Variants in PCDHA2 observed in about 807,000 individuals in gnomAD.
PCDHA2 encodes the protein protocadherin alpha 2.
Under a neutral mutation model 66.0 loss-of-function variants are expected in PCDHA2, and 58 were observed. The observed-to-expected ratio is 0.88, with a 90% CI of 0.71 to 1.09. The LOEUF is 1.09. PCDHA2 is among the 50% of genes least tolerant of loss of function. The pLI is 0.00. For missense variants in PCDHA2, 1,267 were observed against 1,242.3 expected (o/e 1.02, Z -0.30); for synonymous variants, 634 against 554.0 (o/e 1.14, Z -2.03).
Position 140,857,830 on chromosome 5 carries a change from C to T in PCDHA2, c.2388+60478C>T, listed in dbSNP as rs782060681. ...CGGGTCACGTGGTGGCTAAGGTGCG[C>T]GCAGTGGACGCTGACTCTGGATACA... On this transcript the variant is annotated intron_variant, in intron 1 of 3. Coordinates refer to ENST00000526136, the MANE Select transcript of PCDHA2 (RefSeq NM_018905.3). The T allele has an allele frequency of 3.1e-6, 5 of 1,597,596 alleles. 1 individual carries two copies. Among genetic ancestry groups the T allele is most frequent in the African/African-American group, 2.7e-5 (2 of 74,244 alleles).
chr5:140,796,509 C>T lies in PCDHA2; in HGVS notation c.1545C>T (p.Gly515=). The T allele has an allele frequency of 3.1e-6, 5 of 1,612,400 alleles. No homozygotes were observed. The highest frequency in any genetic ancestry group is 4.2e-6 in the Non-Finnish European group (5 of 1,179,834). The part of the protein sequence containing the change: ...SSYVSVHAES[G]KVYALQPLDH... ...ACGTTTCGGTGCACGCGGAGAGCGG[C>T]AAGGTGTACGCGCTGCAGCCGCTGG... Residue 515 remains glycine (G), a synonymous_variant, in exon 1 of 4, where the codon GGC becomes GGT. Transcript: ENST00000526136.
At chr5:140,837,860 G>A (rs2150280331) in intron 1 of PCDHA2, among the ~76,000 whole-genome samples, 4 of 151,378 alleles carry the variant, frequency 2.6e-5, no homozygotes, top group Admixed American at 6.6e-5. Context: ...TTTTATTTTT[G>A]TAGAGACAGG....
At chr5:141,001,303 A>G (rs2098006866) in intron 3 of PCDHA2, among the ~76,000 whole-genome samples, 2 of 152,182 alleles carry the variant, frequency 1.3e-5, no homozygotes, top group Admixed American at 1.3e-4. Context: ...GCCCAGAGAT[A>G]TGAAATAATT....
chr5:140,857,695 G>T (rs2044799008), intron 1 of PCDHA2: 1 of 1,597,116 alleles, frequency 6.3e-7, no homozygotes, highest in South Asian at 1.1e-5. Context: ...GCAACTTGAC[G>T]CTGCAGGTGT....
At chr5:140,803,324 T>G in intron 1 of PCDHA2, 1 of 1,614,132 alleles carries the variant, frequency 6.2e-7, no homozygotes, top group East Asian at 2.2e-5. Context: ...CGGTGTCCAG[T>G]CTGTTGGTGC....
chr5:140,965,238 A>G (rs540671197), intron 1 of PCDHA2, among the ~76,000 whole-genome samples: 3 of 152,196 alleles, frequency 2.0e-5, no homozygotes, highest in Non-Finnish European at 2.9e-5. Context: ...ACCTGGGAAG[A>G]GTGAATATTC....
At chr5:140,852,732 A>G (rs2042454290) in intron 1 of PCDHA2, 4 of 983,854 alleles carry the variant, frequency 4.1e-6, no homozygotes, top group Non-Finnish European at 3.7e-6. Flanking sequence ...TTCAAGTTTC[A>G]TGTGCCATTT....
At chr5:140,809,926 T>C (rs1764568017) in intron 1 of PCDHA2, 1 of 170,806 alleles carries the variant, frequency 5.9e-6, no homozygotes, top group Admixed American at 5.9e-5. Flanking sequence ...TAAAGCTCCA[T>C]AAATTGTATG....
At chr5:140,923,826 T>C (rs2081533545) in intron 1 of PCDHA2, among the ~76,000 whole-genome samples, 1 of 152,218 alleles carries the variant, frequency 6.6e-6, no homozygotes, top group African/African-American at 2.4e-5. Context: ...TAGACGTCAG[T>C]GGCAGTTTAA....
intron 1 of PCDHA2, among the ~76,000 whole-genome samples, chr5:140,917,244 C>T (rs891511496): frequency 1.9e-4 from 29 of 149,864 alleles, no homozygotes; most frequent in Non-Finnish European, 3.0e-4. Flanking sequence ...CTAGGTACTA[C>T]GATTGCTCAC....
chr5:140,907,631 C>T (rs1338354291), intron 1 of PCDHA2, among the ~76,000 whole-genome samples: 1 of 152,216 alleles, frequency 6.6e-6, no homozygotes, highest in African/African-American at 2.4e-5. Flanking sequence ...GTGTTGGTCT[C>T]TGCTGCTGGC....
chr5:140,807,017 G>C lies in PCDHA2; in HGVS notation c.2388+9665G>C. Reference sequence around the variant, plus strand: ...TGTCGCTCTTTACCACAAAATACATGAGAGAAGGAGGAAGAAGGGAAAATT... The same window carrying C: ...TGTCGCTCTTTACCACAAAATACATCAGAGAAGGAGGAAGAAGGGAAAATT... On this transcript the variant is annotated intron_variant, in intron 1 of 3. Transcript: ENST00000526136. 3.7e-6 allele frequency: 3 copies of C among 805,674 alleles called. No individual in the cohort carries two copies. The South Asian group carries it at 5.4e-5, about 15-fold the overall frequency. The allele number at this position is 805,674 out of a possible 1,614,324, so 49.9% of individuals were successfully genotyped here.
At chr5:140,997,740 C>T (rs568361121) in intron 3 of PCDHA2, among the ~76,000 whole-genome samples, 3 of 151,924 alleles carry the variant, frequency 2.0e-5, no homozygotes, top group African/African-American at 7.2e-5. Flanking sequence ...ATAGATTTGC[C>T]ACAATCTTCT....
chr5:140,932,966 G>C (rs2088764912), intron 1 of PCDHA2, among the ~76,000 whole-genome samples: 1 of 151,942 alleles, frequency 6.6e-6, no homozygotes, highest in South Asian at 2.1e-4. Context: ...TTGCTGAAAG[G>C]TTTTTACAAT....
chr5:140,941,214 C>CTTTCTTTCTTTCTTT (rs1554214039), intron 1 of PCDHA2, among the ~76,000 whole-genome samples: 5,375 of 122,186 alleles, frequency 0.044, 196 homozygotes, highest in South Asian at 0.066. Flanking sequence ...TTTCTTTCTT[C>CTTTCTTTCTTTCTTT]CTTTCTTTCT....
At chr5:140,871,729 G>A in intron 1 of PCDHA2, 1 of 714,516 alleles carries the variant, frequency 1.4e-6, no homozygotes, top group Non-Finnish European at 2.2e-6. Flanking sequence ...TTAATATTTG[G>A]TTAGCAAATC....
chr5:140,993,071 G>A (rs1301535845), intron 3 of PCDHA2, among the ~76,000 whole-genome samples: 9 of 152,222 alleles, frequency 5.9e-5, no homozygotes, highest in African/African-American at 2.2e-4. Flanking sequence ...TGTTCCTGCA[G>A]TCTGCAATCA....
In PCDHA2 at chr5:141,011,141, A is replaced by T. The variant is rs1039778930; in HGVS notation, c.*1204A>T. ...ACAATTATGTGCACTTTGATACACA[A>T]CCTTCTCTAACCAACTATATATCAA... is the stretch of plus-strand genomic sequence containing the variant. On this transcript the variant is annotated 3_prime_UTR_variant, in exon 4 of 4. Transcript: ENST00000526136. 2.6e-5 allele frequency: 4 copies of T among 153,668 alleles called. No homozygotes were observed. The highest frequency in any genetic ancestry group is 4.4e-5 in the Non-Finnish European group (3 of 68,036). The allele number at this position is 153,668 out of a possible 1,614,324, so 9.5% of individuals were successfully genotyped here. A position where few individuals can be genotyped will look rare whatever the true frequency, so the allele number is the denominator to read the frequency against.
intron 3 of PCDHA2, among the ~76,000 whole-genome samples, chr5:140,987,478 T>A (rs2097255782): frequency 6.6e-6 from 1 of 152,104 alleles, no homozygotes. Flanking sequence ...AGCTTGGGAG[T>A]CAGTGACCCT....
Sources: allele counts gnomAD v4.1 joint callset (sites outside exome capture counted in the v4.1 genomes callset), GRCh38; gene constraint gnomAD v4.1.1; transcripts MANE v1.5; gene names NCBI Gene and HGNC (gene_info 2026-07-23, HGNC 2026-07-21).